The following PTPRK variants were observed in gnomAD, a reference collection of about 807,000 sequenced individuals.
PTPRK encodes protein tyrosine phosphatase receptor type K.
PTPRK carries 75 observed loss-of-function variants against 178.0 expected under a neutral mutation model. The observed-to-expected ratio is 0.42, with a 90% CI of 0.35 to 0.51. The LOEUF is 0.51. PTPRK is among the 20% of genes least tolerant of loss of function. PTPRK has a pLI of 0.02. For missense variants in PTPRK, 1,441 were observed against 1,797.8 expected (o/e 0.80, Z 3.59); for synonymous variants, 637 against 620.6 (o/e 1.03, Z -0.39).
chr6:128,520,426 G>C lies in PTPRK; in HGVS notation c.-68C>G. On this transcript the variant is annotated 5_prime_UTR_variant, in exon 1 of 30. Transcript: ENST00000368226. ...CCGGGGGGATCGCCGCGAAATCCAC[G>C]ACGGAGGAGCGGGCCGGGCCTCGCG... 1 of 1,475,262 alleles carries C rather than the reference G, an allele frequency of 6.8e-7. No individual in the cohort carries two copies. The highest frequency in any genetic ancestry group is 2.0e-5 in the Admixed American group (1 of 51,098). The allele number at this position is 1,475,262 out of a possible 1,614,324, so 91.4% of individuals were successfully genotyped here.
intron 7 of PTPRK, among the ~76,000 whole-genome samples, chr6:128,092,634 A>G (rs748548920): frequency 5.9e-4 from 90 of 152,318 alleles, no homozygotes; most frequent in Non-Finnish European, 1.0e-3. Flanking sequence ...TCTGAATACT[A>G]TTCACTTAGA....
At chr6:128,093,611 A>C (rs1787387203) in intron 7 of PTPRK, among the ~76,000 whole-genome samples, 2 of 148,620 alleles carry the variant, frequency 1.3e-5, no homozygotes, top group African/African-American at 4.9e-5. Context: ...AAAAAAAAAA[A>C]AAAAAAAAAA....
At chr6:128,234,531 G>A (rs1282416318) in intron 5 of PTPRK, among the ~76,000 whole-genome samples, 1 of 152,142 alleles carries the variant, frequency 6.6e-6, no homozygotes, top group African/African-American at 2.4e-5. Context: ...ATCACCATAG[G>A]TTAGTTTTGT....
chr6:128,476,136 T>C (rs891618973), intron 1 of PTPRK, among the ~76,000 whole-genome samples: 2 of 152,036 alleles, frequency 1.3e-5, no homozygotes, highest in African/African-American at 4.8e-5. Flanking sequence ...AGAACTACAC[T>C]CTCACCCCAT....
intron 1 of PTPRK, among the ~76,000 whole-genome samples, chr6:128,415,585 T>C (rs1332683381): frequency 2.0e-5 from 3 of 152,018 alleles, no homozygotes; most frequent in Admixed American, 6.5e-5. Context: ...TAATGTCCAT[T>C]TGTTAAGTTC....
intron 3 of PTPRK, among the ~76,000 whole-genome samples, chr6:128,263,826 G>A (rs1283925652): frequency 6.6e-6 from 1 of 152,128 alleles, no homozygotes; most frequent in African/African-American, 2.4e-5. Context: ...AGGTTTTCCT[G>A]TCTTCACATG....
At chr6:128,209,919 G>A (rs919676469) in intron 6 of PTPRK, among the ~76,000 whole-genome samples, 1 of 152,138 alleles carries the variant, frequency 6.6e-6, no homozygotes, top group African/African-American at 2.4e-5. Context: ...AGCAAGCAGG[G>A]CCTTGGAGCT....
chr6:128,086,374 T>C (rs980437924), intron 8 of PTPRK, among the ~76,000 whole-genome samples: 4 of 152,244 alleles, frequency 2.6e-5, no homozygotes, highest in African/African-American at 7.2e-5. Context: ...TTTTGAATGC[T>C]GGAATAAAAA....
rs143561480 is a variant in PTPRK, at chr6:128,014,908, C to T, written c.2195-5640G>A. Reference sequence around the variant, plus strand: ...AAAACAGGGTCTACCAGAGATTTTACTGGTGAGAAAAGAGAGCAGCTAAAT... The same window carrying T: ...AAAACAGGGTCTACCAGAGATTTTATTGGTGAGAAAAGAGAGCAGCTAAAT... On this transcript the variant is annotated intron_variant, in intron 13 of 29. Transcript: ENST00000368226. Among the ~76,000 whole-genome samples the T allele has an allele frequency of 9.0e-3, 1,364 of 151,686 alleles. 22 individuals are homozygous for T. The highest frequency in any genetic ancestry group is 0.031 in the African/African-American group (1,276 of 41,440).
chr6:128,041,131 A>G (rs2114835941), intron 13 of PTPRK, among the ~76,000 whole-genome samples: 1 of 152,258 alleles, frequency 6.6e-6, no homozygotes, highest in East Asian at 1.9e-4. Flanking sequence ...TAAGATCAAT[A>G]GGGGTTACAT....
intron 3 of PTPRK, among the ~76,000 whole-genome samples, chr6:128,308,540 A>T (rs1826782530): frequency 6.6e-6 from 1 of 152,154 alleles, no homozygotes. Flanking sequence ...AGGATAGTAT[A>T]GGCTTTTATA....
At chr6:128,031,700 A>C (rs879559578) in intron 13 of PTPRK, among the ~76,000 whole-genome samples, 2 of 152,226 alleles carry the variant, frequency 1.3e-5, no homozygotes, top group Non-Finnish European at 1.5e-5. Context: ...TGTTTCTACA[A>C]TCAAAACTGC....
At chr6:128,444,219 G>C (rs192825631) in intron 1 of PTPRK, among the ~76,000 whole-genome samples, 2 of 152,120 alleles carry the variant, frequency 1.3e-5, no homozygotes, top group South Asian at 4.1e-4. Context: ...AATGCCAGAC[G>C]TGAATAGCCC....
intron 3 of PTPRK, among the ~76,000 whole-genome samples, chr6:128,258,917 A>C (rs1817758649): frequency 6.6e-6 from 1 of 152,214 alleles, no homozygotes; most frequent in Admixed American, 6.5e-5. Context: ...GGAGCTAGCC[A>C]ATAACTGGAT....
chr6:128,159,909 A>C (rs1341513645), intron 7 of PTPRK, among the ~76,000 whole-genome samples: 1 of 151,742 alleles, frequency 6.6e-6, no homozygotes, highest in African/African-American at 2.4e-5. Context: ...AAAATTTAGC[A>C]AAAGGTCTAA....
intron 7 of PTPRK, among the ~76,000 whole-genome samples, chr6:128,128,496 C>T (rs548533592): frequency 6.6e-6 from 1 of 152,306 alleles, no homozygotes; most frequent in South Asian, 2.1e-4. Flanking sequence ...TCCCAGAACA[C>T]TTTGAGTGAA....
intron 21 of PTPRK, among the ~76,000 whole-genome samples, chr6:127,986,680 G>GA (rs949342848): frequency 3.3e-5 from 5 of 151,590 alleles, no homozygotes; most frequent in East Asian, 1.9e-4. Flanking sequence ...GTAGCAAAAG[G>GA]AAAAAAAATC....
chr6:128,233,591 GAC>G (rs1812685762), intron 5 of PTPRK, among the ~76,000 whole-genome samples: 2 of 152,202 alleles, frequency 1.3e-5, no homozygotes, highest in Non-Finnish European at 2.9e-5. Context: ...CATAAGGAAT[GAC>G]ATTTCCTTTG....
intron 13 of PTPRK, among the ~76,000 whole-genome samples, chr6:128,044,159 A>AT (rs1252225994): frequency 2.6e-5 from 4 of 152,030 alleles, no homozygotes; most frequent in Non-Finnish European, 5.9e-5. Flanking sequence ...CAAAGAGCTT[A>AT]TTTTTTGCAC....
Sources: allele counts gnomAD v4.1 joint callset (sites outside exome capture counted in the v4.1 genomes callset), GRCh38; gene constraint gnomAD v4.1.1; transcripts MANE v1.5; gene names NCBI Gene and HGNC (gene_info 2026-07-23, HGNC 2026-07-21).